Variants in CLVS1 observed in about 807,000 individuals in gnomAD.
CLVS1 encodes the protein clavesin-1.
In CLVS1, 10 loss-of-function variants were observed where a neutral mutation model predicts 33.1. That is an observed-to-expected ratio of 0.30 (90% CI 0.19 to 0.51). CLVS1 has a LOEUF of 0.51. Among genes scored for constraint, CLVS1 ranks in the 20% least tolerant of loss-of-function variants. The pLI is 0.97. For missense variants in CLVS1, 343 were observed against 433.4 expected (o/e 0.79, Z 1.85); for synonymous variants, 163 against 166.1 (o/e 0.98, Z 0.14).
intron 3 of CLVS1, among the ~76,000 whole-genome samples, chr8:61,435,937 G>A (rs1816315701): frequency 6.6e-6 from 1 of 152,082 alleles, no homozygotes; most frequent in Non-Finnish European, 1.5e-5. Flanking sequence ...AAAAAAATTA[G>A]AATATAAAGT....
chr8:61,234,147 A>G (rs1309476164), intron 2 of CLVS1, among the ~76,000 whole-genome samples: 1 of 152,060 alleles, frequency 6.6e-6, no homozygotes, highest in Admixed American at 6.5e-5. Context: ...GAGGCCCACC[A>G]CAGACCACCG....
chr8:61,191,933 T>A (rs1171388573), intron 2 of CLVS1, among the ~76,000 whole-genome samples: 1 of 152,126 alleles, frequency 6.6e-6, no homozygotes, highest in Non-Finnish European at 1.5e-5. Flanking sequence ...ATCAATATTG[T>A]GAAAATGGCC....
the CLVS1 span, among the ~76,000 whole-genome samples, chr8:60,980,140 A>G: frequency 6.6e-6 from 1 of 152,198 alleles, no homozygotes; most frequent in Non-Finnish European, 1.5e-5. Context: ...AGAACTGCAC[A>G]AGTTCTAATG....
intron 3 of CLVS1, among the ~76,000 whole-genome samples, chr8:61,436,296 T>G (rs1816328538): frequency 6.6e-6 from 1 of 152,242 alleles, no homozygotes; most frequent in Non-Finnish European, 1.5e-5. Context: ...GAATACCACA[T>G]GCCTCTTCAG....
chr8:61,045,200 A>C, the CLVS1 span, among the ~76,000 whole-genome samples: 1 of 152,254 alleles, frequency 6.6e-6, no homozygotes, highest in South Asian at 2.1e-4. Context: ...GAAGCTGATC[A>C]GCAAGATGTA....
chr8:60,982,319 G>A, the CLVS1 span, among the ~76,000 whole-genome samples: 4 of 152,238 alleles, frequency 2.6e-5, no homozygotes, highest in Middle Eastern at 3.2e-3. Context: ...GGTGTGGTAC[G>A]TGGGTTATTG....
chr8:60,971,029 A>G, the CLVS1 span, among the ~76,000 whole-genome samples: 765 of 147,748 alleles, frequency 5.2e-3, 10 homozygotes, highest in African/African-American at 0.018. Context: ...TAAATGTCTA[A>G]CAATCTAGCA....
the CLVS1 span, among the ~76,000 whole-genome samples, chr8:61,028,586 C>A: frequency 1.3e-5 from 2 of 152,110 alleles, no homozygotes; most frequent in African/African-American, 4.8e-5. Context: ...CTGGGCCTTT[C>A]AATGTGAGTT....
intron 1 of CLVS1, among the ~76,000 whole-genome samples, chr8:61,110,807 G>A (rs975288512): frequency 2.7e-4 from 41 of 152,144 alleles, no homozygotes; most frequent in Admixed American, 1.3e-4. Context: ...TAGTCTTTTC[G>A]TGACTGGCTT....
At chr8:61,412,021 G>T (rs1563541601) in intron 3 of CLVS1, among the ~76,000 whole-genome samples, 1 of 152,208 alleles carries the variant, frequency 6.6e-6, no homozygotes, top group Non-Finnish European at 1.5e-5. Context: ...CACTGAGACA[G>T]GGTGAAGGCC....
chr8:61,278,859 C>T (rs1809614778), intron 2 of CLVS1, among the ~76,000 whole-genome samples: 1 of 152,158 alleles, frequency 6.6e-6, no homozygotes, highest in Non-Finnish European at 1.5e-5. Context: ...TTCCTACTCC[C>T]ATGCTCCTGG....
In CLVS1 at chr8:61,376,591, T is replaced by G; in HGVS notation, c.456-14T>G. On this transcript the variant is annotated splice_polypyrimidine_tract_variant and intron_variant, in intron 2 of 5. Coordinates refer to ENST00000325897, the MANE Select transcript of CLVS1 (RefSeq NM_173519.3). The stretch of plus-strand genomic sequence containing the variant: ...CATATTCACACACAGCTCTCCTTTC[T>G]GCTCTGGCTGCAGGAACTCCTTCAC... 6.2e-7 allele frequency: 1 copy of G among 1,611,400 alleles called. No individual in the cohort carries two copies.
Position 61,157,472 on chromosome 8 carries a change from G to A in CLVS1, c.-152+25612G>A, listed in dbSNP as rs151065072. ...AATATAGGGTTAGCTTTATAACTTT[G>A]AAGCTAACCCTATATATCTGTACAA... On this transcript the variant is annotated intron_variant, in intron 2 of 2. Coordinates refer to the CLVS1 transcript ENST00000522621. 2.8e-4 allele frequency among the ~76,000 whole-genome samples: 42 copies of A among 152,194 alleles called. No individual in the cohort carries two copies. In the East Asian group the frequency reaches 6.4e-3, roughly 23 times the overall value.
chr8:61,476,102 G>A (rs1817915770), intron 5 of CLVS1, among the ~76,000 whole-genome samples: 1 of 152,184 alleles, frequency 6.6e-6, no homozygotes, highest in Admixed American at 6.5e-5. Flanking sequence ...AGATCAGATA[G>A]TTGTAGATAT....
At chr8:61,271,837 C>A (rs1375949287) in intron 2 of CLVS1, among the ~76,000 whole-genome samples, 1 of 150,146 alleles carries the variant, frequency 6.7e-6, no homozygotes, top group Admixed American at 6.6e-5. Context: ...AGGATTGCAA[C>A]CCCTGCCTTT....
At chr8:61,278,381 A>G (rs950292389) in intron 2 of CLVS1, among the ~76,000 whole-genome samples, 1 of 152,222 alleles carries the variant, frequency 6.6e-6, no homozygotes, top group African/African-American at 2.4e-5. Context: ...ATTTCTGTTT[A>G]CCAGTCTTGG....
chr8:61,109,735 A>G (rs1466462507), intron 1 of CLVS1, among the ~76,000 whole-genome samples: 1 of 152,166 alleles, frequency 6.6e-6, no homozygotes, highest in Non-Finnish European at 1.5e-5. Context: ...CTATTCATGG[A>G]TTAATGGATT....
At chr8:61,461,510 G>T (rs1457275541) in intron 5 of CLVS1, among the ~76,000 whole-genome samples, 1 of 152,082 alleles carries the variant, frequency 6.6e-6, no homozygotes, top group Non-Finnish European at 1.5e-5. Context: ...AAAATTTTTT[G>T]AACTCCATGC....
chr8:61,218,618 A>T lies in CLVS1; in HGVS notation c.-151-81059A>T, dbSNP rs1473381465. On this transcript the variant is annotated intron_variant, in intron 2 of 2. Transcript: ENST00000522621. ...ATTACTATGTACTCCATGAATATGT[A>T]TAATTATTATATGTCAATAAAAAAA... is the stretch of plus-strand genomic sequence containing the variant. Among the ~76,000 whole-genome samples, 4 of 139,862 alleles carry T rather than the reference A, an allele frequency of 2.9e-5. No individual in the cohort carries two copies. The South Asian group carries it at 9.9e-4, about 35-fold the overall frequency. The allele number at this position is 139,862 out of a possible 152,430, so 91.8% of individuals were successfully genotyped here. A position where few individuals can be genotyped will look rare whatever the true frequency, so the allele number is the denominator to read the frequency against.
Sources: allele counts gnomAD v4.1 joint callset (sites outside exome capture counted in the v4.1 genomes callset), GRCh38; gene constraint gnomAD v4.1.1; transcripts MANE v1.5; gene names NCBI Gene and HGNC (gene_info 2026-07-23, HGNC 2026-07-21).